TULP4: variants seen among roughly 807,000 people sequenced by gnomAD.
TULP4 encodes tubby-related protein 4.
A neutral mutation model predicts 129.0 loss-of-function variants in TULP4; 16 were observed. The ratio of observed to expected loss-of-function variants is 0.12; its 90% CI spans 0.08 to 0.19. The LOEUF (loss-of-function observed/expected upper bound fraction) is 0.19. Ranked by LOEUF, TULP4 falls within the 10% of genes least tolerant of loss-of-function variation. The pLI is 1.00. For synonymous variants in TULP4, 998 were observed against 854.0 expected (o/e 1.17, Z -2.94); for missense variants, 1,842 against 2,059.1 (o/e 0.89, Z 2.04).
At chr6:158,246,693 T>A (rs1384921046) in intron 1 of TULP4, among the ~76,000 whole-genome samples, 1 of 152,232 alleles carries the variant, frequency 6.6e-6, no homozygotes, top group African/African-American at 2.4e-5. Flanking sequence ...AAATTTTGAA[T>A]TCATGGATTT....
Position 158,313,832 on chromosome 6 carries a change from C to T in TULP4, c.-185C>T, listed in dbSNP as rs747483834. On this transcript the variant is annotated 5_prime_UTR_variant, in exon 1 of 14. Transcript: ENST00000367097. ...ATCATCTTTTATAGAGGAATTTTTT[C>T]ACTATGCATTCGGTGGATCTTTATA... The T allele has an allele frequency of 3.3e-4, 206 of 620,582 alleles. No homozygotes were observed. Among genetic ancestry groups the T allele is most frequent in the Non-Finnish European group, 4.8e-4 (181 of 374,540 alleles). The allele number at this position is 620,582 out of a possible 1,614,324, so 38.4% of individuals were successfully genotyped here. A position where few individuals can be genotyped will look rare whatever the true frequency, so the allele number is the denominator to read the frequency against.
chr6:158,332,964 C>G (rs140359285), intron 1 of TULP4, among the ~76,000 whole-genome samples: 204 of 152,250 alleles, frequency 1.3e-3, no homozygotes, highest in Admixed American at 6.0e-3. Flanking sequence ...TATGTATACA[C>G]ATTACATATA....
chr6:158,445,311 G>A (rs1042174344), intron 3 of TULP4, among the ~76,000 whole-genome samples: 2 of 152,160 alleles, frequency 1.3e-5, no homozygotes, highest in Non-Finnish European at 2.9e-5. Context: ...GAAACAGCAG[G>A]AAAATATGGG....
chr6:158,403,028 A>G (rs547265970), intron 1 of TULP4, among the ~76,000 whole-genome samples: 29 of 152,298 alleles, frequency 1.9e-4, no homozygotes, highest in Admixed American at 1.7e-3. Flanking sequence ...AGTGGCTGAC[A>G]TGAACAGTAA....
chr6:158,308,053 G>C (rs147977718), upstream of TULP4, among the ~76,000 whole-genome samples: 1,903 of 148,004 alleles, frequency 0.013, 46 homozygotes, highest in African/African-American at 0.046. Flanking sequence ...TCACAGAGGG[G>C]GATTTGGCAG....
intron 1 of TULP4, among the ~76,000 whole-genome samples, chr6:158,395,866 A>T (rs1777703217): frequency 6.6e-6 from 1 of 151,412 alleles, no homozygotes; most frequent in African/African-American, 2.4e-5. Context: ...TTTTTCAAAG[A>T]TGTACTACAA....
intron 1 of TULP4, among the ~76,000 whole-genome samples, chr6:158,392,201 A>G (rs531924862): frequency 6.6e-6 from 1 of 152,272 alleles, no homozygotes; most frequent in African/African-American, 2.4e-5. Flanking sequence ...GTGCAGGGGA[A>G]CTAATCTTTT....
chr6:158,261,458 G>T (rs1024000279), intron 1 of TULP4, among the ~76,000 whole-genome samples: 1 of 152,134 alleles, frequency 6.6e-6, no homozygotes, highest in Non-Finnish European at 1.5e-5. Flanking sequence ...GATATTCCCC[G>T]CAGATAACTT....
intron 1 of TULP4, among the ~76,000 whole-genome samples, chr6:158,350,127 G>A (rs188896920): frequency 7.8e-4 from 117 of 149,236 alleles, no homozygotes; most frequent in Admixed American, 1.3e-3. Context: ...CTTCCCATTC[G>A]GGGCAACCGA....
intron 1 of TULP4, among the ~76,000 whole-genome samples, chr6:158,240,445 A>G (rs74182313): frequency 3.0e-4 from 19 of 63,868 alleles, no homozygotes; most frequent in East Asian, 1.3e-3. Flanking sequence ...CTCACCTCCC[A>G]GACGGGGCGG....
chr6:158,271,149 CAAAA>C (rs1220844247), intron 1 of TULP4, among the ~76,000 whole-genome samples: 6 of 78,986 alleles, frequency 7.6e-5, no homozygotes, highest in East Asian at 3.3e-4. Flanking sequence ...GACTCTGTCT[CAAAA>C]AAAAAAAAAA....
chr6:158,439,775 G>A (rs1335250742), intron 3 of TULP4, among the ~76,000 whole-genome samples: 2 of 134,090 alleles, frequency 1.5e-5, no homozygotes, highest in African/African-American at 2.8e-5. Context: ...GCAGTGGTGC[G>A]ATCTCGGCTC....
intron 1 of TULP4, among the ~76,000 whole-genome samples, chr6:158,304,636 GA>G (rs1326675510): frequency 6.6e-6 from 1 of 150,978 alleles, no homozygotes; most frequent in Non-Finnish European, 1.5e-5. Flanking sequence ...AAATTGAGGG[GA>G]AATATATATA....
chr6:158,309,438 C>T (rs1237930892), upstream of TULP4, among the ~76,000 whole-genome samples: 3 of 147,338 alleles, frequency 2.0e-5, no homozygotes, highest in East Asian at 2.0e-4. Context: ...CTCCTCACGT[C>T]CCAGACGATG....
chr6:158,271,599 T>C (rs1778548657), intron 1 of TULP4, among the ~76,000 whole-genome samples: 1 of 151,806 alleles, frequency 6.6e-6, no homozygotes, highest in Non-Finnish European at 1.5e-5. Context: ...TTGGCAAATT[T>C]TTAAATTTTT....
At chr6:158,412,923 C>T in intron 1 of TULP4, 142 bp from the exon 2 acceptor site, 1 of 1,204,848 alleles carries the variant, frequency 8.3e-7, no homozygotes, top group Non-Finnish European at 1.1e-6. Flanking sequence ...TGTCTGTTCC[C>T]TGCCCTGATC....
chr6:158,431,277 T>G (rs937299901), intron 3 of TULP4, among the ~76,000 whole-genome samples: 6 of 152,202 alleles, frequency 3.9e-5, no homozygotes, highest in African/African-American at 1.2e-4. Context: ...CTGTGTATTA[T>G]TTCCTGCCTA....
intron 1 of TULP4, among the ~76,000 whole-genome samples, chr6:158,399,472 A>C (rs1777795650): frequency 1.3e-5 from 2 of 152,158 alleles, no homozygotes; most frequent in Non-Finnish European, 2.9e-5. Flanking sequence ...GTAGAGCCTG[A>C]AGTTCTGCAT....
chr6:158,401,613 CTGTGGGCCCAGGG>C, intron 1 of TULP4, among the ~76,000 whole-genome samples: 1 of 80,548 alleles, frequency 1.2e-5, no homozygotes, highest in Non-Finnish European at 2.7e-5. Context: ...CAGAGTCAAG[CTGTGGGCCCAGGG>C]TGTGGTCAAG....
Sources: allele counts gnomAD v4.1 joint callset (sites outside exome capture counted in the v4.1 genomes callset), GRCh38; gene constraint gnomAD v4.1.1; transcripts MANE v1.5; gene names NCBI Gene and HGNC (gene_info 2026-07-23, HGNC 2026-07-21).